Variants in CPEB1 observed in about 807,000 individuals in gnomAD.
The protein encoded by CPEB1 is cytoplasmic polyadenylation element-binding protein 1.
A neutral mutation model predicts 65.8 loss-of-function variants in CPEB1; 7 were observed. The ratio of observed to expected loss-of-function variants is 0.11; its 90% CI spans 0.06 to 0.20. The LOEUF (loss-of-function observed/expected upper bound fraction) is 0.20. Among genes scored for constraint, CPEB1 ranks in the 10% least tolerant of loss-of-function variants. The pLI is 1.00. For missense variants in CPEB1, 551 were observed against 712.2 expected (o/e 0.77, Z 2.58); for synonymous variants, 262 against 260.0 (o/e 1.01, Z -0.08).
Position 82,571,345 on chromosome 15 carries a change from C to A in CPEB1, c.459G>T (p.Ser153=). ...GCCAACTCATTCTCTGGCACTCACCCGAGTGTGTGCTGCTCTGGGCTGAGG... is the reference window on the plus strand; with the variant it reads ...GCCAACTCATTCTCTGGCACTCACCAGAGTGTGTGCTGCTCTGGGCTGAGG... The part of the protein sequence containing the change: ...SDSSAQSSTH[S]VLSMLHNPLG... Residue 153 remains serine (S), a splice_region_variant and synonymous_variant, in exon 4 of 13, where the codon TCG becomes TCT. Transcript: ENST00000684509. 6.2e-7 allele frequency: 1 copy of A among 1,610,490 alleles called. No homozygotes were observed. Among genetic ancestry groups the A allele is most frequent in the Non-Finnish European group, 8.5e-7 (1 of 1,178,436 alleles).
At chr15:82,548,163 C>G (rs893606355) in intron 10 of CPEB1, among the ~76,000 whole-genome samples, 1 of 151,920 alleles carries the variant, frequency 6.6e-6, no homozygotes, top group African/African-American at 2.4e-5. Flanking sequence ...GGTGAAACCC[C>G]GTCTCTACTA....
At chr15:82,575,995 G>T (rs1445949835) in intron 3 of CPEB1, among the ~76,000 whole-genome samples, 1 of 152,182 alleles carries the variant, frequency 6.6e-6, no homozygotes, top group Non-Finnish European at 1.5e-5. Context: ...ACTAAGAGGA[G>T]TAAAAGTGTA....
chr15:82,632,013 G>A (rs1229948737), intron 1 of CPEB1, among the ~76,000 whole-genome samples: 1 of 121,468 alleles, frequency 8.2e-6, no homozygotes, highest in Non-Finnish European at 1.6e-5. Context: ...ACGGAGTCTC[G>A]TTCTGTCGCC....
chr15:82,558,796 A>AT (rs2037684154), intron 4 of CPEB1, among the ~76,000 whole-genome samples: 1 of 152,178 alleles, frequency 6.6e-6, no homozygotes, highest in Non-Finnish European at 1.5e-5. Context: ...CACACAATAA[A>AT]TATTTAAATA....
intron 1 of CPEB1, among the ~76,000 whole-genome samples, chr15:82,643,900 G>C (rs1332233108): frequency 2.0e-5 from 3 of 152,128 alleles, no homozygotes; most frequent in African/African-American, 2.4e-5. Flanking sequence ...AGACAGACAA[G>C]GTGAGATTTA....
chr15:82,575,610 C>T (rs1407850558), intron 3 of CPEB1, among the ~76,000 whole-genome samples: 1 of 152,102 alleles, frequency 6.6e-6, no homozygotes, highest in Non-Finnish European at 1.5e-5. Flanking sequence ...GTAACGAAAT[C>T]TCAATTGTTA....
chr15:82,603,599 G>A (rs2945419), intron 3 of CPEB1, among the ~76,000 whole-genome samples: 3,357 of 151,984 alleles, frequency 0.022, 128 homozygotes, highest in African/African-American at 0.076. Context: ...TGTACAAACA[G>A]CAAGTGAAGA....
chr15:82,601,632 G>A (rs1047429841), intron 3 of CPEB1, among the ~76,000 whole-genome samples: 2 of 152,260 alleles, frequency 1.3e-5, no homozygotes, highest in African/African-American at 2.4e-5. Flanking sequence ...ACTATATGCT[G>A]CTTTCCAGGG....
chr15:82,554,031 G>A (rs2036749562), intron 6 of CPEB1, 40 bp from the exon 7 acceptor site: 1 of 1,289,616 alleles, frequency 7.8e-7, no homozygotes, highest in Non-Finnish European at 1.1e-6. Context: ...GGAGGTTAGA[G>A]AATCAACAAA....
intron 3 of CPEB1, among the ~76,000 whole-genome samples, chr15:82,586,207 A>G (rs2041788809): frequency 6.6e-6 from 1 of 151,776 alleles, no homozygotes; most frequent in Non-Finnish European, 1.5e-5. Context: ...ATGTTAATCT[A>G]ATTTGATTGG....
At chr15:82,571,840 AGC>A in intron 3 of CPEB1, 1 of 1,143,994 alleles carries the variant, frequency 8.7e-7, no homozygotes, top group Non-Finnish European at 1.1e-6. Context: ...TGCAATAGAG[AGC>A]GGCATCATCC....
chr15:82,586,644 C>A (rs1567202771), intron 3 of CPEB1, among the ~76,000 whole-genome samples: 1 of 152,174 alleles, frequency 6.6e-6, no homozygotes, highest in East Asian at 1.9e-4. Flanking sequence ...GAGTAGACCA[C>A]CTACAGTTAG....
intron 3 of CPEB1, among the ~76,000 whole-genome samples, chr15:82,581,664 G>A (rs1481941132): frequency 1.3e-5 from 2 of 152,106 alleles, no homozygotes; most frequent in Non-Finnish European, 2.9e-5. Context: ...TCATTGCGGT[G>A]TACATTTTTT....
chr15:82,556,034 C>T lies in CPEB1; in HGVS notation c.776G>A (p.Arg259Gln), dbSNP rs765510280. The T allele has an allele frequency of 3.7e-6, 6 of 1,613,412 alleles. No homozygotes were observed. Among genetic ancestry groups the T allele is most frequent in the South Asian group, 2.2e-5 (2 of 90,854 alleles). The change falls in exon 6 of 13, where the codon CGG (arginine) becomes CAG (glutamine). Residue 259 changes from arginine (R) to glutamine (Q), a missense_variant. By Grantham distance (43) the Arg-to-Gln change is conservative. This residue lies in a region of CPEB1 where 128 missense variants were observed against 129.1 expected (regional missense o/e 0.99). Transcript: ENST00000684509. The part of the protein sequence containing the change: ...RDPLKMGVGS[R>Q]MDQEQAALAA... ...AAGAGCAGCTTGCTCTTGGTCCATC[C>T]GAGACCCTACCCCCATCTTTAAAGG...
At chr15:82,634,996 G>A (rs1305930701) in intron 1 of CPEB1, among the ~76,000 whole-genome samples, 2 of 152,140 alleles carry the variant, frequency 1.3e-5, no homozygotes, top group Non-Finnish European at 2.9e-5. Context: ...TGGGACTACA[G>A]GCATGTGTCA....
chr15:82,567,404 C>T (rs1414926032), intron 4 of CPEB1, among the ~76,000 whole-genome samples: 1 of 151,612 alleles, frequency 6.6e-6, no homozygotes, highest in Admixed American at 6.6e-5. Flanking sequence ...TTTGGGAGTC[C>T]GAGGCGGGTG....
chr15:82,589,419 C>A (rs1478047298), intron 3 of CPEB1, among the ~76,000 whole-genome samples: 1 of 152,180 alleles, frequency 6.6e-6, no homozygotes, highest in Non-Finnish European at 1.5e-5. Flanking sequence ...TTATCACATC[C>A]CATTGCTCAG....
At chr15:82,566,440 G>T (rs1286349977) in intron 4 of CPEB1, among the ~76,000 whole-genome samples, 1 of 152,128 alleles carries the variant, frequency 6.6e-6, no homozygotes, top group East Asian at 1.9e-4. Context: ...AATAGGAAGG[G>T]GGGAGAGTAG....
At chr15:82,577,294 A>G (rs911963950) in intron 3 of CPEB1, among the ~76,000 whole-genome samples, 1 of 152,170 alleles carries the variant, frequency 6.6e-6, no homozygotes, top group African/African-American at 2.4e-5. Context: ...CCTGGGCTCA[A>G]GGGATCCTCC....
Sources: allele counts gnomAD v4.1 joint callset (sites outside exome capture counted in the v4.1 genomes callset), GRCh38; gene constraint gnomAD v4.1.1; regional missense constraint gnomAD v4.1.1; transcripts MANE v1.5; gene names NCBI Gene and HGNC (gene_info 2026-07-23, HGNC 2026-07-21).